Variants in ITPRIP observed in about 807,000 individuals in gnomAD.
ITPRIP encodes the protein inositol 1,4,5-trisphosphate receptor-interacting protein.
ITPRIP carries 32 observed loss-of-function variants against 35.8 expected under a neutral mutation model. That is an observed-to-expected ratio of 0.89 (90% CI 0.68 to 1.20). The LOEUF is 1.20. Among genes scored for constraint, ITPRIP ranks in the 50% most tolerant of loss-of-function variants. ITPRIP has a pLI of 0.00. For missense variants in ITPRIP, 653 were observed against 735.6 expected (o/e 0.89, Z 1.30); for synonymous variants, 358 against 324.0 (o/e 1.11, Z -1.13).
At chr10:104,323,652 T>G (rs2013912555) in intron 1 of ITPRIP, 1 of 152,250 alleles carries the variant, frequency 6.6e-6, no homozygotes, top group Non-Finnish European at 1.5e-5. Context: ...GAGTCTTGGT[T>G]TTAGAGTTTG....
In ITPRIP at chr10:104,312,889, C is replaced by T. The variant is rs1217132455; in HGVS notation, c.*1519G>A. On this transcript the variant is annotated 3_prime_UTR_variant, in exon 2 of 2. Transcript: ENST00000337478. ...GGAGGAACACGGTATATTCTTGACTCCCTGGCCCCCTGCAAGGGTAACTGA... is the reference window on the plus strand; with the variant it reads ...GGAGGAACACGGTATATTCTTGACTTCCTGGCCCCCTGCAAGGGTAACTGA... 1.0e-6 allele frequency: 1 copy of T among 985,288 alleles called. No individual in the cohort carries two copies. 61.0% of individuals were successfully genotyped at this position (985,288 alleles called of 1,614,324 possible).
chr10:104,334,389 A>G (rs965015500), intron 1 of ITPRIP, among the ~76,000 whole-genome samples: 11 of 152,218 alleles, frequency 7.2e-5, no homozygotes, highest in South Asian at 2.1e-4. Context: ...TTGGCTTTCT[A>G]TTGATCCATC....
In ITPRIP at chr10:104,312,490, T is replaced by C. The variant is rs938960536; in HGVS notation, c.*1918A>G. On this transcript the variant is annotated 3_prime_UTR_variant, in exon 2 of 2. Transcript: ENST00000337478. ...GCCCCGATTCTACAAATGCATCTGA[T>C]GGAATGAGGAGGGTCAGGCTGTGAG... is the stretch of plus-strand genomic sequence containing the variant. 3.3e-6 allele frequency: 1 copy of C among 304,986 alleles called. No homozygotes were observed. The highest frequency in any genetic ancestry group is 2.3e-5 in the African/African-American group (1 of 44,174). The allele number at this position is 304,986 out of a possible 1,614,324, so 18.9% of individuals were successfully genotyped here.
intron 1 of ITPRIP, among the ~76,000 whole-genome samples, chr10:104,337,596 G>T (rs1023058034): frequency 6.6e-6 from 1 of 152,030 alleles, no homozygotes; most frequent in African/African-American, 2.4e-5. Context: ...CAGGGATGGG[G>T]TTGAGGGTGG....
chr10:104,317,987 C>T (rs1043054984), intron 1 of ITPRIP, among the ~76,000 whole-genome samples: 1 of 152,198 alleles, frequency 6.6e-6, no homozygotes, highest in African/African-American at 2.4e-5. Context: ...AAGGTCCGTC[C>T]TCCACCCTGA....
At chr10:104,319,678 T>G (rs908400767) in intron 1 of ITPRIP, among the ~76,000 whole-genome samples, 2 of 152,028 alleles carry the variant, frequency 1.3e-5, no homozygotes, top group African/African-American at 4.8e-5. Context: ...CTGTGGTCGC[T>G]CAGGGCCCAC....
chr10:104,319,838 T>C (rs1173656833), intron 1 of ITPRIP, among the ~76,000 whole-genome samples: 3 of 151,978 alleles, frequency 2.0e-5, no homozygotes, highest in Non-Finnish European at 4.4e-5. Context: ...CATGCCATGA[T>C]GGGAAGGAGG....
Position 104,333,979 on chromosome 10 carries a change from C to G in ITPRIP, c.-14+4267G>C, listed in dbSNP as rs369689621. ...GTGCATCGTCTGGGTCAACCCTCCC[C>G]ACAGCCCTGAGGGTCATCCCCATTT... On this transcript the variant is annotated intron_variant, in intron 1 of 1. Coordinates refer to ENST00000337478, the MANE Select transcript of ITPRIP (RefSeq NM_001272013.2). This position sits in a 1 kb window ranked among gnomAD's most constrained non-coding sequence, Gnocchi z 4.1. 1 of 152,260 alleles carries G rather than the reference C, an allele frequency of 6.6e-6. No homozygotes were observed. Among genetic ancestry groups the G allele is most frequent in the African/African-American group, 2.4e-5 (1 of 41,446 alleles). 9.4% of individuals were successfully genotyped at this position (152,260 alleles called of 1,614,324 possible). A position where few individuals can be genotyped will look rare whatever the true frequency, so the allele number is the denominator to read the frequency against.
chr10:104,326,768 G>A lies in ITPRIP; in HGVS notation c.-13-10704C>T, dbSNP rs556298105. 1.8e-4 allele frequency: 27 copies of A among 152,344 alleles called. No homozygotes were observed. The highest frequency in any genetic ancestry group is 6.5e-4 in the African/African-American group (27 of 41,560). 9.4% of individuals were successfully genotyped at this position (152,344 alleles called of 1,614,324 possible). On this transcript the variant is annotated intron_variant, in intron 1 of 1. Transcript: ENST00000337478. This position sits in a 1 kb window ranked among gnomAD's most constrained non-coding sequence, Gnocchi z 4.8. ...AGATCATCCTGGATTACCCGGGTGG[G>A]CCTTAAATCCAATGACAAGTATCCT...
chr10:104,322,487 G>A (rs965252411), intron 1 of ITPRIP, among the ~76,000 whole-genome samples: 2 of 152,206 alleles, frequency 1.3e-5, no homozygotes, highest in African/African-American at 2.4e-5. Context: ...CCTGAAACCC[G>A]CTGATCAGAA....
In ITPRIP at chr10:104,326,193, C is replaced by T. The variant is rs926184623; in HGVS notation, c.-13-10129G>A. 1 of 152,446 alleles carries T rather than the reference C, an allele frequency of 6.6e-6. No individual in the cohort carries two copies. The allele number at this position is 152,446 out of a possible 1,614,324, so 9.4% of individuals were successfully genotyped here. A position where few individuals can be genotyped will look rare whatever the true frequency, so the allele number is the denominator to read the frequency against. Reference sequence around the variant, plus strand: ...AAGTCACCAGAATGCCAACTCTGTTCTCAGGACTGGGTCATGGGGGTGGTC... The same window carrying T: ...AAGTCACCAGAATGCCAACTCTGTTTTCAGGACTGGGTCATGGGGGTGGTC... On this transcript the variant is annotated intron_variant, in intron 1 of 1. Coordinates refer to ENST00000337478, the MANE Select transcript of ITPRIP (RefSeq NM_001272013.2). This position sits in a 1 kb window ranked among gnomAD's most constrained non-coding sequence, Gnocchi z 4.8.
chr10:104,324,787 G>A (rs911699522), intron 1 of ITPRIP, among the ~76,000 whole-genome samples: 3 of 152,194 alleles, frequency 2.0e-5, no homozygotes, highest in South Asian at 2.1e-4. Context: ...CTGAAGGGGC[G>A]AGTCCCCACG....
At chr10:104,317,454 C>T (rs867909650) in intron 1 of ITPRIP, among the ~76,000 whole-genome samples, 1 of 152,136 alleles carries the variant, frequency 6.6e-6, no homozygotes. Context: ...ATTTTAATAC[C>T]ATCCATATAA....
In ITPRIP at chr10:104,313,877, A is replaced by T. The variant is rs991165642; in HGVS notation, c.*531T>A. On this transcript the variant is annotated 3_prime_UTR_variant, in exon 2 of 2. Coordinates refer to ENST00000337478, the MANE Select transcript of ITPRIP (RefSeq NM_001272013.2). ...AAAAAGTGGCAGCCATGGTGGGACC[A>T]CTATTGTGCAGGATGCGGATCAAAG... 2.0e-6 allele frequency: 2 copies of T among 985,868 alleles called. No homozygotes were observed. The highest frequency in any genetic ancestry group is 3.5e-5 in the African/African-American group (2 of 57,242). 61.1% of individuals were successfully genotyped at this position (985,868 alleles called of 1,614,324 possible). A position where few individuals can be genotyped will look rare whatever the true frequency, so the allele number is the denominator to read the frequency against.
Position 104,312,541 on chromosome 10 carries a change from G to T in ITPRIP, c.*1867C>A. The T allele has an allele frequency of 1.2e-6, 1 of 818,218 alleles. No homozygotes were observed. Among genetic ancestry groups the T allele is most frequent in the Non-Finnish European group, 1.5e-6 (1 of 677,142 alleles). 50.7% of individuals were successfully genotyped at this position (818,218 alleles called of 1,614,324 possible). On this transcript the variant is annotated 3_prime_UTR_variant, in exon 2 of 2. Transcript: ENST00000337478. ...GGATTGGGGGTAGCTCCAGGCTGCT[G>T]TTAGGGACACACTTGAGCTGGTTCA...
Position 104,312,907 on chromosome 10 carries a change from G to T in ITPRIP, c.*1501C>A. The T allele has an allele frequency of 1.0e-6, 1 of 985,444 alleles. No individual in the cohort carries two copies. The highest frequency in any genetic ancestry group is 1.2e-6 in the Non-Finnish European group (1 of 829,948). 61.0% of individuals were successfully genotyped at this position (985,444 alleles called of 1,614,324 possible). A position where few individuals can be genotyped will look rare whatever the true frequency, so the allele number is the denominator to read the frequency against. On this transcript the variant is annotated 3_prime_UTR_variant, in exon 2 of 2. Transcript: ENST00000337478. ...CTTGACTCCCTGGCCCCCTGCAAGG[G>T]TAACTGAAGTAACGGTGAGATAGGA...
intron 1 of ITPRIP, among the ~76,000 whole-genome samples, chr10:104,336,503 G>A (rs1471812429): frequency 1.3e-5 from 2 of 151,052 alleles, no homozygotes; most frequent in Non-Finnish European, 3.0e-5. Context: ...TTGGGGGGGG[G>A]GGGGCAGCGG....
At chr10:104,337,079 G>T (rs1013775980) in intron 1 of ITPRIP, among the ~76,000 whole-genome samples, 3 of 152,174 alleles carry the variant, frequency 2.0e-5, no homozygotes, top group Admixed American at 6.5e-5. Flanking sequence ...TAGGCACGAG[G>T]GCTGGAGGGA....
intron 1 of ITPRIP, among the ~76,000 whole-genome samples, chr10:104,329,079 A>ACG (rs1355045537): frequency 1.3e-5 from 2 of 151,966 alleles, no homozygotes; most frequent in East Asian, 3.9e-4. Flanking sequence ...ACACACATGC[A>ACG]CGCACACACA....
Sources: gnomAD v4.1 joint callset for allele counts (sites outside exome capture counted in the v4.1 genomes callset) on GRCh38, gnomAD v4.1.1 for gene constraint, Gnocchi (gnomAD v3.1) non-coding constraint, MANE v1.5 for transcripts, NCBI Gene and HGNC (gene_info 2026-07-23, HGNC 2026-07-21) for gene names.